Variants in VRK1 observed in about 807,000 individuals in gnomAD.
VRK1 encodes VRK serine/threonine kinase 1, also known as serine/threonine-protein kinase VRK1.
A neutral mutation model predicts 57.1 loss-of-function variants in VRK1; 33 were observed. The ratio of observed to expected loss-of-function variants is 0.58; its 90% CI spans 0.44 to 0.77. The LOEUF is 0.77. Among genes scored for constraint, VRK1 ranks in the 30% least tolerant of loss-of-function variants. The pLI, the probability that VRK1 is intolerant of heterozygous loss-of-function variation, is 0.00. For missense variants in VRK1, 413 were observed against 477.3 expected (o/e 0.87, Z 1.25); for synonymous variants, 137 against 147.8 (o/e 0.93, Z 0.53).
intron 12 of VRK1, chr14:96,877,530 T>A (rs565628176): frequency 7.8e-7 from 1 of 1,289,472 alleles, no homozygotes; most frequent in East Asian, 5.5e-5. Context: ...GAGCAATACA[T>A]CGAAGCATGT....
intron 10 of VRK1, among the ~76,000 whole-genome samples, chr14:96,857,811 G>A (rs1888226966): frequency 6.6e-6 from 1 of 152,034 alleles, no homozygotes; most frequent in Admixed American, 6.5e-5. Flanking sequence ...ATACAATGTG[G>A]GTTTCTCAGA....
chr14:96,878,841 G>A (rs1462097136), intron 12 of VRK1, among the ~76,000 whole-genome samples: 1 of 152,078 alleles, frequency 6.6e-6, no homozygotes, highest in Non-Finnish European at 1.5e-5. Context: ...TAAAAATCAT[G>A]CATATTTTGG....
intron 1 of VRK1, among the ~76,000 whole-genome samples, chr14:96,800,854 A>G (rs1209481121): frequency 6.6e-6 from 1 of 152,122 alleles, no homozygotes; most frequent in Non-Finnish European, 1.5e-5. Context: ...GATGAAGTAA[A>G]TAATTAAATT....
At chr14:96,813,514 A>G (rs981756762) in intron 1 of VRK1, among the ~76,000 whole-genome samples, 2 of 151,974 alleles carry the variant, frequency 1.3e-5, no homozygotes, top group South Asian at 2.1e-4. Flanking sequence ...TTTCAGCTGA[A>G]TTTGTGTTAG....
At chr14:96,842,760 C>T (rs1197906391) in intron 3 of VRK1, among the ~76,000 whole-genome samples, 3 of 152,082 alleles carry the variant, frequency 2.0e-5, no homozygotes, top group Non-Finnish European at 2.9e-5. Context: ...GTAAAGCTTC[C>T]CAGGTGATTC....
intron 1 of VRK1, among the ~76,000 whole-genome samples, chr14:96,805,073 A>T (rs151330640): frequency 1.2e-4 from 19 of 152,350 alleles, no homozygotes; most frequent in African/African-American, 4.1e-4. Context: ...AGAGTTCATA[A>T]ATCGGTCCAA....
intron 11 of VRK1, among the ~76,000 whole-genome samples, chr14:96,872,696 G>A (rs765658553): frequency 4.4e-4 from 67 of 152,016 alleles, no homozygotes; most frequent in Non-Finnish European, 6.6e-4. Context: ...GCTTTTTTCC[G>A]TCCCTAGCTT....
intron 1 of VRK1, among the ~76,000 whole-genome samples, chr14:96,820,423 C>G (rs187914965): frequency 6.6e-6 from 1 of 152,156 alleles, no homozygotes; most frequent in African/African-American, 2.4e-5. Flanking sequence ...AATGGCCAGC[C>G]TCTACCCTCC....
intron 1 of VRK1, among the ~76,000 whole-genome samples, chr14:96,811,033 G>A (rs538649491): frequency 3.3e-5 from 5 of 151,994 alleles, no homozygotes; most frequent in Middle Eastern, 3.4e-3. Flanking sequence ...GGGTTCAAGC[G>A]GTTCTCCCAC....
At chr14:96,829,756 A>C (rs1450283313) in intron 1 of VRK1, among the ~76,000 whole-genome samples, 1 of 152,154 alleles carries the variant, frequency 6.6e-6, no homozygotes, top group African/African-American at 2.4e-5. Context: ...TAGTTGTACT[A>C]TATCTACAGT....
At chr14:96,799,947 CTTT>C (rs776080402) in intron 1 of VRK1, among the ~76,000 whole-genome samples, 11 of 130,180 alleles carry the variant, frequency 8.4e-5, no homozygotes, top group Admixed American at 1.5e-4. Flanking sequence ...TAGTGTACGT[CTTT>C]TTTTTTTTTT....
chr14:96,837,707 AATATATTT>A, intron 2 of VRK1, 47 bp from the exon 3 acceptor site: 1 of 1,127,114 alleles, frequency 8.9e-7, no homozygotes, highest in South Asian at 2.0e-5. Flanking sequence ...CCTAAATATT[AATATATTT>A]ATAATATTAC....
chr14:96,798,075 G>T (rs1401316674), intron 1 of VRK1, among the ~76,000 whole-genome samples: 2 of 152,162 alleles, frequency 1.3e-5, no homozygotes, highest in African/African-American at 4.8e-5. Context: ...CCGCGAGGCC[G>T]CCCGTTATTT....
chr14:96,812,692 G>T (rs908565513), intron 1 of VRK1, among the ~76,000 whole-genome samples: 5 of 152,108 alleles, frequency 3.3e-5, no homozygotes, highest in African/African-American at 1.2e-4. Context: ...TTCAGAGACT[G>T]TTCGTTCTGT....
At chr14:96,873,943 G>C (rs1888926687) in intron 11 of VRK1, among the ~76,000 whole-genome samples, 1 of 152,168 alleles carries the variant, frequency 6.6e-6, no homozygotes, top group African/African-American at 2.4e-5. Flanking sequence ...TTAAAGCACA[G>C]GTGTTTCTTT....
At chr14:96,805,851 C>G (rs1225781807) in intron 1 of VRK1, among the ~76,000 whole-genome samples, 1 of 152,132 alleles carries the variant, frequency 6.6e-6, no homozygotes, top group Non-Finnish European at 1.5e-5. Context: ...AGTACCTGTT[C>G]TGTTTGATTT....
chr14:96,877,699 A>G (rs1421446501), intron 12 of VRK1: 2 of 1,246,292 alleles, frequency 1.6e-6, no homozygotes, highest in Non-Finnish European at 2.1e-6. Flanking sequence ...AGTGAGATTG[A>G]CACTCATTAA....
intron 1 of VRK1, among the ~76,000 whole-genome samples, chr14:96,814,083 A>G (rs1242491997): frequency 6.6e-6 from 1 of 152,160 alleles, no homozygotes; most frequent in Non-Finnish European, 1.5e-5. Flanking sequence ...AGAGCTATAA[A>G]TTCTAGTTAA....
intron 12 of VRK1, 136 bp downstream of exon 12, chr14:96,876,256 A>G: frequency 1.3e-6 from 1 of 787,224 alleles, no homozygotes; most frequent in South Asian, 1.4e-5. Context: ...TTTATATAGT[A>G]TGTATTGTGT....
Sources: gnomAD v4.1 joint callset for allele counts (sites outside exome capture counted in the v4.1 genomes callset) on GRCh38, gnomAD v4.1.1 for gene constraint, MANE v1.5 for transcripts, NCBI Gene and HGNC (gene_info 2026-07-23, HGNC 2026-07-21) for gene names.